The following FBXL13 variants were observed in gnomAD, a reference collection of about 807,000 sequenced individuals.
FBXL13 encodes the protein F-box and leucine rich repeat protein 13, also known as F-box and leucine-rich repeat protein 13.
A neutral mutation model predicts 83.6 loss-of-function variants in FBXL13; 67 were observed. That is an observed-to-expected ratio of 0.80 (90% confidence interval 0.66 to 0.98). The LOEUF (loss-of-function observed/expected upper bound fraction) is 0.98. Among genes scored for constraint, FBXL13 ranks in the 50% least tolerant of loss-of-function variants. The pLI is 0.00. For missense variants in FBXL13, 822 were observed against 866.5 expected (o/e 0.95, Z 0.64); for synonymous variants, 272 against 299.5 (o/e 0.91, Z 0.95).
intron 16 of FBXL13, among the ~76,000 whole-genome samples, chr7:102,856,687 A>T (rs2129451742): frequency 6.6e-6 from 1 of 152,344 alleles, no homozygotes; most frequent in East Asian, 1.9e-4. Context: ...TAAATGCATA[A>T]TGACATACCA....
At chr7:103,028,807 T>C in intron 3 of FBXL13, 59 bp from the exon 5 acceptor site, 3 of 1,349,540 alleles carry the variant, frequency 2.2e-6, no homozygotes, top group Non-Finnish European at 2.0e-6. Context: ...AATATATCAT[T>C]AAATAAATTA....
At chr7:102,980,356 G>GA (rs545901011) in intron 6 of FBXL13, among the ~76,000 whole-genome samples, 1 of 152,086 alleles carries the variant, frequency 6.6e-6, no homozygotes, top group African/African-American at 2.4e-5. Context: ...TCAATGGGGG[G>GA]AAAAAAGTCT....
At chr7:102,902,670 T>C (rs532504568) in intron 11 of FBXL13, among the ~76,000 whole-genome samples, 6 of 152,212 alleles carry the variant, frequency 3.9e-5, no homozygotes, top group Non-Finnish European at 8.8e-5. Flanking sequence ...CCAGCACCAC[T>C]TATTGAAGAG....
At chr7:102,966,989 G>A (rs1421611973) in intron 7 of FBXL13, among the ~76,000 whole-genome samples, 1 of 146,928 alleles carries the variant, frequency 6.8e-6, no homozygotes, top group African/African-American at 2.5e-5. Flanking sequence ...TTTTTTTTTT[G>A]AGATGGAGTC....
At chr7:102,868,777 C>T (rs1220878575) in intron 16 of FBXL13, among the ~76,000 whole-genome samples, 1 of 152,254 alleles carries the variant, frequency 6.6e-6, no homozygotes. Flanking sequence ...AGGCAGTTCT[C>T]ATGCTTCAGC....
intron 8 of FBXL13, among the ~76,000 whole-genome samples, chr7:102,948,684 A>G (rs1301440230): frequency 6.8e-6 from 1 of 146,664 alleles, no homozygotes. Context: ...GGCCTCCCAA[A>G]GTGCTGGGAT....
At chr7:102,979,112 T>G (rs939069704) in intron 6 of FBXL13, among the ~76,000 whole-genome samples, 2 of 152,210 alleles carry the variant, frequency 1.3e-5, no homozygotes, top group East Asian at 1.9e-4. Context: ...CGTAGACAAA[T>G]AGTTATTTGT....
At chr7:102,855,438 AT>A (rs534095908) in intron 16 of FBXL13, among the ~76,000 whole-genome samples, 10 of 151,848 alleles carry the variant, frequency 6.6e-5, no homozygotes, top group Non-Finnish European at 1.0e-4. Flanking sequence ...TTCAGCCATA[AT>A]TTTTTTTATG....
chr7:102,818,485 C>T (rs141841860), intron 19 of FBXL13, among the ~76,000 whole-genome samples: 7 of 152,272 alleles, frequency 4.6e-5, no homozygotes, highest in African/African-American at 1.7e-4. Context: ...ATTATTTGTT[C>T]ATACTGATAA....
At chr7:102,891,601 C>T (rs1314788620) in intron 11 of FBXL13, among the ~76,000 whole-genome samples, 1 of 152,146 alleles carries the variant, frequency 6.6e-6, no homozygotes, top group Admixed American at 6.5e-5. Context: ...AACGGGATGG[C>T]AGTCAATATG....
intron 6 of FBXL13, among the ~76,000 whole-genome samples, chr7:103,019,109 T>C (rs543661705): frequency 6.6e-6 from 1 of 152,254 alleles, no homozygotes; most frequent in African/African-American, 2.4e-5. Context: ...AGAACAGAAA[T>C]TATAACAAAC....
At chr7:102,894,401 G>A (rs1393397668) in intron 11 of FBXL13, among the ~76,000 whole-genome samples, 3 of 151,870 alleles carry the variant, frequency 2.0e-5, no homozygotes. Context: ...ATTTTTTGTT[G>A]ATTTGTGTAT....
rs147732765 is a variant in FBXL13 at position 102,819,802 on chromosome 7, A to G, written c.2018+2238T>C. Among the ~76,000 whole-genome samples, 651 of 152,292 alleles carry G rather than the reference A, an allele frequency of 4.3e-3. 6 individuals carry two copies. Among genetic ancestry groups the G allele is most frequent in the African/African-American group, 0.015 (624 of 41,552 alleles). ...CCTGATTAGATAGTGAGCATAGGTA[A>G]GGGATTAGAGATCATCAAGGGCTTG... On this transcript the variant is annotated intron_variant, in intron 19 of 19. Coordinates refer to ENST00000313221, the Ensembl canonical transcript of FBXL13.
At chr7:102,974,711 TTCC>T (rs1476319671) in intron 6 of FBXL13, among the ~76,000 whole-genome samples, 1 of 152,004 alleles carries the variant, frequency 6.6e-6, no homozygotes, top group Non-Finnish European at 1.5e-5. Context: ...TCGACATATT[TTCC>T]TCGTTAGATC....
At chr7:102,909,843 G>A (rs1814361917) in intron 11 of FBXL13, among the ~76,000 whole-genome samples, 1 of 152,174 alleles carries the variant, frequency 6.6e-6, no homozygotes, top group Non-Finnish European at 1.5e-5. Context: ...GATGAGCTGT[G>A]AGGCTTGGGG....
chr7:103,022,478 A>T (rs991797895), intron 6 of FBXL13, among the ~76,000 whole-genome samples: 4 of 150,252 alleles, frequency 2.7e-5, no homozygotes, highest in Non-Finnish European at 5.9e-5. Flanking sequence ...TTAAAGTATA[A>T]AAAAAAAAAC....
At chr7:103,035,819 T>A (rs1046716621) in intron 2 of FBXL13, among the ~76,000 whole-genome samples, 2 of 152,244 alleles carry the variant, frequency 1.3e-5, no homozygotes, top group Admixed American at 1.3e-4. Flanking sequence ...CAAAAGATTA[T>A]ATATGAAATT....
intron 8 of FBXL13, chr7:102,933,295 C>G (rs1434464917): frequency 6.6e-6 from 1 of 152,004 alleles, no homozygotes; most frequent in Non-Finnish European, 1.5e-5. Flanking sequence ...AAAAAAGGCT[C>G]AGGAAGACAA....
intron 10 of FBXL13, among the ~76,000 whole-genome samples, chr7:102,915,127 T>A (rs908249522): frequency 1.0e-3 from 150 of 150,536 alleles, no homozygotes; most frequent in African/African-American, 3.6e-3. Flanking sequence ...AAAATATTTT[T>A]TTTTTTTTTT....
Sources: allele counts gnomAD v4.1 joint callset (sites outside exome capture counted in the v4.1 genomes callset), GRCh38; gene constraint gnomAD v4.1.1; transcripts MANE v1.5; gene names NCBI Gene and HGNC (gene_info 2026-07-23, HGNC 2026-07-21).